Variants in PIK3C2A observed in about 807,000 individuals in gnomAD.
PIK3C2A encodes the protein phosphatidylinositol 4-phosphate 3-kinase C2 domain-containing subunit alpha.
A neutral mutation model predicts 204.5 loss-of-function variants in PIK3C2A; 97 were observed. The ratio of observed to expected loss-of-function variants is 0.47; its 90% CI spans 0.40 to 0.56. The LOEUF is 0.56. PIK3C2A is among the 20% of genes least tolerant of loss of function. The probability of loss-of-function intolerance (pLI) is 0.00; values close to 1 mark genes in which losing one functional copy is unlikely to be tolerated. For synonymous variants in PIK3C2A, 653 were observed against 664.4 expected, an observed-to-expected ratio of 0.98 and a Z score of 0.26; for missense variants, 1,735 against 1,969.2, an observed-to-expected ratio of 0.88 and a Z score of 2.25.
chr11:17,160,177 G>A (rs1335142114), intron 2 of PIK3C2A, among the ~76,000 whole-genome samples: 2 of 152,144 alleles, frequency 1.3e-5, no homozygotes, highest in African/African-American at 4.8e-5. Flanking sequence ...TACTACAAGG[G>A]TCTAGATCAG....
intron 1 of PIK3C2A, among the ~76,000 whole-genome samples, chr11:17,182,717 G>T (rs1169788895): frequency 6.6e-6 from 1 of 152,078 alleles, no homozygotes; most frequent in Non-Finnish European, 1.5e-5. Flanking sequence ...AGAGACATGG[G>T]GAAAGGATAA....
At chr11:17,103,984 C>A (rs946430648) in intron 23 of PIK3C2A, among the ~76,000 whole-genome samples, 1 of 152,126 alleles carries the variant, frequency 6.6e-6, no homozygotes, top group African/African-American at 2.4e-5. Flanking sequence ...AGGGAGTGAT[C>A]TCACAGTTTA....
At chr11:17,161,896 G>A (rs1199523204) in intron 2 of PIK3C2A, among the ~76,000 whole-genome samples, 2 of 152,214 alleles carry the variant, frequency 1.3e-5, no homozygotes, top group African/African-American at 4.8e-5. Flanking sequence ...CCAATGAATT[G>A]TGCCATGGAT....
At chr11:17,138,009 C>T in intron 8 of PIK3C2A, 1 of 619,468 alleles carries the variant, frequency 1.6e-6, no homozygotes, top group South Asian at 1.5e-5. Context: ...CTTGTGCTTT[C>T]AACACTTTCA....
chr11:17,198,039 A>G (rs1033873998), intron 1 of PIK3C2A, among the ~76,000 whole-genome samples: 1 of 152,168 alleles, frequency 6.6e-6, no homozygotes, highest in Admixed American at 6.6e-5. Flanking sequence ...ATAGTTTTAT[A>G]TAACAGTGAT....
At chr11:17,102,294 G>C (rs912533801) in intron 24 of PIK3C2A, among the ~76,000 whole-genome samples, 2 of 152,132 alleles carry the variant, frequency 1.3e-5, no homozygotes, top group African/African-American at 4.8e-5. Context: ...AAAATTAGCC[G>C]GGCGTGGTGG....
intron 20 of PIK3C2A, 41 bp from the exon 21 acceptor site, chr11:17,112,707 A>G: frequency 9.3e-7 from 1 of 1,075,702 alleles, no homozygotes; most frequent in East Asian, 2.7e-5. Flanking sequence ...GATAAATGAA[A>G]ATGGATTTAG....
At chr11:17,113,862 A>T (rs1849081505) in intron 20 of PIK3C2A, among the ~76,000 whole-genome samples, 1 of 149,316 alleles carries the variant, frequency 6.7e-6, no homozygotes, top group Non-Finnish European at 1.5e-5. Context: ...TGGGCGAATC[A>T]CGAGGTCAGG....
chr11:17,193,542 A>G (rs773167731), intron 1 of PIK3C2A: 76 of 441,924 alleles, frequency 1.7e-4, no homozygotes, highest in Non-Finnish European at 2.9e-4. Context: ...ATGGCACAGA[A>G]ATGGTATTAA....
chr11:17,162,422 C>T (rs141007947), intron 2 of PIK3C2A, among the ~76,000 whole-genome samples: 12 of 152,118 alleles, frequency 7.9e-5, no homozygotes, highest in African/African-American at 2.9e-4. Context: ...GTCAATGTCT[C>T]AAATAATTGT....
At chr11:17,125,296 A>G (rs1849486738) in intron 13 of PIK3C2A, among the ~76,000 whole-genome samples, 1 of 152,072 alleles carries the variant, frequency 6.6e-6, no homozygotes, top group Non-Finnish European at 1.5e-5. Context: ...TTGGTTGTAA[A>G]CTGAGGGGGA....
intron 27 of PIK3C2A, among the ~76,000 whole-genome samples, chr11:17,095,165 A>G (rs1041811246): frequency 1.3e-4 from 20 of 151,990 alleles, no homozygotes; most frequent in African/African-American, 3.6e-4. Flanking sequence ...GGGAGGATCA[A>G]CTCAGCCCAG....
chr11:17,119,387 T>C, intron 16 of PIK3C2A, 74 bp from the exon 17 acceptor site: 2 of 833,848 alleles, frequency 2.4e-6, no homozygotes, highest in Non-Finnish European at 4.2e-6. Context: ...GAAAACACAA[T>C]CTCAATCTGG....
In PIK3C2A at chr11:17,169,339, G is replaced by T; in HGVS notation, c.403C>A (p.Pro135Thr). ...GGCCACTGTCCTCTCTGAATAGTAG[G>T]TCTAAAATAGAGCTGTGCTGAAAAG... Reference protein sequence around the residue: ...PSFSAQLYFRPTIQRGQWPPG... With the variant: ...PSFSAQLYFRTTIQRGQWPPG... Residue 135 changes from proline (P) to threonine (T), a missense_variant, in exon 2 of 33, where the codon CCT (proline) becomes ACT (threonine). This residue lies in a region of PIK3C2A where 536 missense variants were observed against 546.7 expected (regional missense o/e 0.98). Transcript: ENST00000691414. 6.2e-7 allele frequency: 1 copy of T among 1,614,020 alleles called. No individual in the cohort carries two copies. The highest frequency in any genetic ancestry group is 8.5e-7 in the Non-Finnish European group (1 of 1,179,964).
intron 19 of PIK3C2A, among the ~76,000 whole-genome samples, chr11:17,115,156 T>C (rs1389258610): frequency 1.3e-5 from 2 of 152,050 alleles, no homozygotes; most frequent in African/African-American, 2.4e-5. Flanking sequence ...GTCCCCTGAA[T>C]AGCCAAAAAT....
chr11:17,092,016 T>G lies in PIK3C2A; in HGVS notation c.4622A>C (p.Glu1541Ala). 2 of 1,610,392 alleles carry G rather than the reference T, an allele frequency of 1.2e-6. No individual in the cohort carries two copies. Among genetic ancestry groups the G allele is most frequent in the East Asian group, 4.5e-5 (2 of 44,830 alleles). ...CTCACCTGCAGACCTAGCTATCCCT[T>G]CAGCTTTCTCATCACGAAGTAAAGG... Reference protein sequence around the residue: ...FHPLLRDEKAEGIARSADAGS... With the variant: ...FHPLLRDEKAAGIARSADAGS... Residue 1541 changes from glutamate (E) to alanine (A), a missense_variant, in exon 30 of 33, where the codon GAA (glutamate) becomes GCA (alanine). By Grantham distance (107) the Glu-to-Ala change is moderately radical (BLOSUM62 -1). This residue lies in a region of PIK3C2A where 503 missense variants were observed against 669.0 expected (regional missense o/e 0.75). Transcript: ENST00000691414.
intron 1 of PIK3C2A, 50 bp from the exon 2 acceptor site, chr11:17,169,856 A>G (rs1268683497): frequency 4.1e-6 from 3 of 738,802 alleles, no homozygotes; most frequent in Non-Finnish European, 6.4e-6. Flanking sequence ...AAACATAAAT[A>G]TATTTTGTTT....
intron 2 of PIK3C2A, among the ~76,000 whole-genome samples, chr11:17,164,434 TG>T (rs1850882988): frequency 6.6e-6 from 1 of 151,900 alleles, no homozygotes; most frequent in South Asian, 2.1e-4. Flanking sequence ...AATTATTAGA[TG>T]GGGTTTGATT....
chr11:17,205,142 A>G (rs1852520784), intron 1 of PIK3C2A, among the ~76,000 whole-genome samples: 2 of 151,356 alleles, frequency 1.3e-5, no homozygotes, highest in African/African-American at 4.9e-5. Context: ...ACGCCACTGC[A>G]CTCCAGCCTG....
Sources: gnomAD v4.1 joint callset for allele counts (sites outside exome capture counted in the v4.1 genomes callset) on GRCh38, gnomAD v4.1.1 for gene constraint, gnomAD v4.1.1 regional missense constraint, MANE v1.5 for transcripts, NCBI Gene and HGNC (gene_info 2026-07-23, HGNC 2026-07-21) for gene names.